The following ANO3 variants were observed in gnomAD, a reference collection of about 807,000 sequenced individuals.
The protein encoded by ANO3 is anoctamin 3.
ANO3 carries 99 observed loss-of-function variants against 144.8 expected under a neutral mutation model. The ratio of observed to expected loss-of-function variants is 0.68; its 90% confidence interval spans 0.58 to 0.81. The LOEUF is 0.81. Among genes scored for constraint, ANO3 ranks in the 30% least tolerant of loss-of-function variants. The probability of loss-of-function intolerance (pLI) is 0.00; values close to 1 mark genes in which losing one functional copy is unlikely to be tolerated. For synonymous variants in ANO3, 414 were observed against 392.6 expected (o/e 1.05, Z -0.64); for missense variants, 905 against 1,202.2 (o/e 0.75, Z 3.66).
At chr11:26,512,047 C>T (rs1241189907) in intron 5 of ANO3, among the ~76,000 whole-genome samples, 4 of 152,030 alleles carry the variant, frequency 2.6e-5, no homozygotes, top group African/African-American at 9.7e-5. Context: ...TGATCACATT[C>T]GTTTTCAAAA....
intron 1 of ANO3, among the ~76,000 whole-genome samples, chr11:26,357,935 G>A (rs373015721): frequency 6.6e-6 from 1 of 152,094 alleles, no homozygotes; most frequent in Non-Finnish European, 1.5e-5. Flanking sequence ...TGAACAGAAT[G>A]TCCTTTTCTC....
intron 1 of ANO3, among the ~76,000 whole-genome samples, chr11:26,338,324 G>A (rs1020107724): frequency 2.0e-5 from 3 of 152,114 alleles, no homozygotes; most frequent in African/African-American, 7.2e-5. Flanking sequence ...GTTTGTAAAC[G>A]CACCAATCGG....
chr11:26,268,816 C>G (rs141813318), intron 1 of ANO3, among the ~76,000 whole-genome samples: 1 of 152,248 alleles, frequency 6.6e-6, no homozygotes, highest in South Asian at 2.1e-4. Context: ...CCACACAACA[C>G]AGTACAGGCT....
At chr11:26,264,625 A>C (rs2133830353) in intron 1 of ANO3, among the ~76,000 whole-genome samples, 1 of 152,286 alleles carries the variant, frequency 6.6e-6, no homozygotes, top group East Asian at 1.9e-4. Flanking sequence ...TAGCTTAAAT[A>C]AGAGAAATTT....
intron 4 of ANO3, among the ~76,000 whole-genome samples, chr11:26,479,850 T>C (rs1860140506): frequency 6.6e-6 from 1 of 152,198 alleles, no homozygotes; most frequent in Admixed American, 6.6e-5. Context: ...CCTGAACTGT[T>C]ATCTTTAGCA....
At chr11:26,553,109 A>G (rs1849980068) in intron 12 of ANO3, 140 bp from the exon 13 acceptor site, 1 of 625,690 alleles carries the variant, frequency 1.6e-6, no homozygotes, top group Non-Finnish European at 2.8e-6. Flanking sequence ...AGTGCCCACC[A>G]CTCCCCACTA....
chr11:26,508,442 A>G lies in ANO3; in HGVS notation c.591+180A>G, dbSNP rs1018726020. The G allele has an allele frequency of 1.8e-5, 9 of 494,124 alleles. No homozygotes were observed. In the South Asian group the frequency reaches 4.2e-4, roughly 23 times the overall value. 30.6% of individuals were successfully genotyped at this position (494,124 alleles called of 1,614,324 possible). ...TAAATATGTATTCACTTTTTAATCT[A>G]TATAATTCTGTACAATTTAAGTATT... On this transcript the variant is annotated intron_variant, in intron 5 of 26. Transcript: ENST00000256737.
At chr11:26,225,606 T>C (rs1852241698) in intron 1 of ANO3, among the ~76,000 whole-genome samples, 1 of 152,164 alleles carries the variant, frequency 6.6e-6, no homozygotes, top group South Asian at 2.1e-4. Flanking sequence ...AGTTTCTTCA[T>C]TTCATTAAAG....
chr11:26,562,803 G>T (rs1164225611), intron 14 of ANO3, among the ~76,000 whole-genome samples: 2 of 151,694 alleles, frequency 1.3e-5, no homozygotes, highest in Non-Finnish European at 2.9e-5. Context: ...TAACAAAACT[G>T]GTCATTTTTT....
intron 3 of ANO3, among the ~76,000 whole-genome samples, chr11:26,452,571 G>A (rs1290114262): frequency 6.6e-6 from 1 of 152,180 alleles, no homozygotes; most frequent in Non-Finnish European, 1.5e-5. Flanking sequence ...CAAGAAATAT[G>A]GGACTATGTG....
At chr11:26,569,541 C>T (rs1850736120) in intron 14 of ANO3, among the ~76,000 whole-genome samples, 1 of 152,014 alleles carries the variant, frequency 6.6e-6, no homozygotes, top group African/African-American at 2.4e-5. Flanking sequence ...TTCAGAACCC[C>T]ACCATGAAAT....
intron 17 of ANO3, among the ~76,000 whole-genome samples, chr11:26,618,231 T>TG (rs1350964155): frequency 1.3e-5 from 2 of 152,134 alleles, no homozygotes; most frequent in Non-Finnish European, 2.9e-5. Flanking sequence ...CTTTTTTTTT[T>TG]GGTTAGGAAC....
At position 26,642,043 on chromosome 11, in the gene ANO3, A is replaced by T. The variant is rs370370798; in HGVS notation, c.2275+14A>T. 191 of 1,608,324 alleles carry T rather than the reference A, an allele frequency of 1.2e-4. No homozygotes were observed. Among genetic ancestry groups the T allele is most frequent in the Non-Finnish European group, 1.6e-4 (187 of 1,177,700 alleles). On this transcript the variant is annotated intron_variant, in intron 22 of 26. Coordinates refer to ENST00000256737, the MANE Select transcript of ANO3 (RefSeq NM_031418.4). ...ACTTAGAAATGGGTAAGGAAAAAAA[A>T]TCTGCAGGACTATTTGGCCTTCTTG...
At chr11:26,277,687 T>C (rs1590229929) in intron 1 of ANO3, among the ~76,000 whole-genome samples, 1 of 151,986 alleles carries the variant, frequency 6.6e-6, no homozygotes, top group East Asian at 1.9e-4. Context: ...CTTTCTTTTC[T>C]CTTTAGGAGA....
At chr11:26,584,339 A>T (rs1851217970) in intron 14 of ANO3, among the ~76,000 whole-genome samples, 1 of 152,104 alleles carries the variant, frequency 6.6e-6, no homozygotes, top group African/African-American at 2.4e-5. Context: ...TTGTATTTTT[A>T]GTAGAGACAG....
intron 4 of ANO3, among the ~76,000 whole-genome samples, chr11:26,468,776 C>G (rs1444858253): frequency 2.0e-5 from 3 of 151,854 alleles, no homozygotes; most frequent in Non-Finnish European, 4.4e-5. Context: ...TAACTTGGCT[C>G]TATATGGCTG....
chr11:26,372,229 T>C (rs1428478868), intron 1 of ANO3, among the ~76,000 whole-genome samples: 1 of 152,174 alleles, frequency 6.6e-6, no homozygotes, highest in African/African-American at 2.4e-5. Flanking sequence ...TTTGCTCAGC[T>C]CTCATTATTC....
intron 22 of ANO3, among the ~76,000 whole-genome samples, chr11:26,642,536 G>A (rs1322478586): frequency 6.8e-6 from 1 of 148,044 alleles, no homozygotes; most frequent in Non-Finnish European, 1.5e-5. Flanking sequence ...TTTTTTAGTA[G>A]AGATGGAGTT....
At chr11:26,365,925 T>A (rs1384607004) in intron 1 of ANO3, among the ~76,000 whole-genome samples, 1 of 150,474 alleles carries the variant, frequency 6.6e-6, no homozygotes, top group Non-Finnish European at 1.5e-5. Flanking sequence ...ACAGCCTGCT[T>A]GAATTCCTCT....
Sources: allele counts gnomAD v4.1 joint callset (sites outside exome capture counted in the v4.1 genomes callset), GRCh38; gene constraint gnomAD v4.1.1; transcripts MANE v1.5; gene names NCBI Gene and HGNC (gene_info 2026-07-23, HGNC 2026-07-21).